The following CEP192 variants were observed in gnomAD, a reference collection of about 807,000 sequenced individuals.
CEP192 encodes the protein centrosomal protein of 192 kDa.
A neutral mutation model predicts 271.8 loss-of-function variants in CEP192; 151 were observed. The observed-to-expected ratio is 0.56, with a 90% CI of 0.49 to 0.64. The LOEUF is 0.64. Ranked by LOEUF, CEP192 falls within the 30% of genes least tolerant of loss-of-function variation. The pLI, the probability that CEP192 is intolerant of heterozygous loss-of-function variation, is 0.00. For missense variants in CEP192, 2,910 were observed against 3,020.5 expected (o/e 0.96, Z 0.86); for synonymous variants, 995 against 1,076.5 (o/e 0.92, Z 1.48).
intron 30 of CEP192, among the ~76,000 whole-genome samples, chr18:13,078,581 C>G (rs968262725): frequency 6.6e-6 from 1 of 152,088 alleles, no homozygotes; most frequent in Non-Finnish European, 1.5e-5. Flanking sequence ...TCTCCATATC[C>G]TCTCCAGCAT....
chr18:13,057,683 T>A lies in CEP192; in HGVS notation c.4207T>A (p.Trp1403Arg), dbSNP rs1476614153. 1 of 1,614,158 alleles carries A rather than the reference T, an allele frequency of 6.2e-7. No individual in the cohort carries two copies. Among genetic ancestry groups the A allele is most frequent in the Non-Finnish European group, 8.5e-7 (1 of 1,180,012 alleles). ...CAGTGTGCTTAATCCAACTGACCGCTGGCTGCAAGTCAGCATTGGGGTCCT... is the reference window on the plus strand; with the variant it reads ...CAGTGTGCTTAATCCAACTGACCGCAGGCTGCAAGTCAGCATTGGGGTCCT... ...LLSVLNPTDR[W>R]LQVSIGVLSI... The change falls in exon 20 of 45, where the codon TGG becomes AGG. Residue 1403 changes from tryptophan to arginine, a missense_variant. By Grantham distance (101) the Trp-to-Arg change is moderately radical. Coordinates refer to ENST00000506447, the MANE Select transcript of CEP192 (RefSeq NM_032142.4).
At chr18:13,075,704 AGACT>A (rs1457782744) in intron 30 of CEP192, among the ~76,000 whole-genome samples, 1 of 152,224 alleles carries the variant, frequency 6.6e-6, no homozygotes, top group Non-Finnish European at 1.5e-5. Context: ...CAACACAAAC[AGACT>A]AAGATGGTGG....
intron 40 of CEP192, among the ~76,000 whole-genome samples, chr18:13,112,515 C>G (rs2040252499): frequency 6.6e-6 from 1 of 152,216 alleles, no homozygotes; most frequent in Non-Finnish European, 1.5e-5. Flanking sequence ...GTGTAACATG[C>G]AGTAATACTA....
Position 12,999,542 on chromosome 18 carries a change from G to A in CEP192, c.118G>A (p.Val40Ile). ...TCTTTCTTCAAATCTTGGCTTGCCTGTTGCTGTTTCTACACTTGCTAGGGA... is the reference window on the plus strand; with the variant it reads ...TCTTTCTTCAAATCTTGGCTTGCCTATTGCTGTTTCTACACTTGCTAGGGA... ...VTLSSNLGLPVAVSTLARDRS... is the reference protein window; with the variant it reads ...VTLSSNLGLPIAVSTLARDRS... Residue 40 changes from valine (V) to isoleucine (I), a missense_variant, in exon 2 of 45, where the codon GTT becomes ATT. Coordinates refer to ENST00000506447, the MANE Select transcript of CEP192 (RefSeq NM_032142.4). 1.9e-6 allele frequency: 3 copies of A among 1,550,724 alleles called. No individual in the cohort carries two copies. Among genetic ancestry groups the A allele is most frequent in the South Asian group, 1.2e-5 (1 of 83,874 alleles).
intron 36 of CEP192, among the ~76,000 whole-genome samples, chr18:13,098,134 T>C (rs2039501297): frequency 6.6e-6 from 1 of 152,268 alleles, no homozygotes; most frequent in African/African-American, 2.4e-5. Flanking sequence ...ATTGTCATCA[T>C]AGCCCGTTCT....
intron 30 of CEP192, among the ~76,000 whole-genome samples, chr18:13,081,472 G>A (rs534661561): frequency 2.0e-5 from 3 of 152,186 alleles, no homozygotes; most frequent in Non-Finnish European, 2.9e-5. Context: ...CTGTGGGATC[G>A]GTGGTGATAT....
At chr18:13,038,666 A>G (rs1426995964) in intron 13 of CEP192, 87 bp downstream of exon 13, 2 of 1,009,900 alleles carry the variant, frequency 2.0e-6, no homozygotes, top group Non-Finnish European at 1.5e-6. Context: ...TAAAATGGAG[A>G]TAGAATAGGA....
chr18:13,011,104 G>A (rs952578497), intron 4 of CEP192, among the ~76,000 whole-genome samples: 1 of 150,222 alleles, frequency 6.7e-6, no homozygotes, highest in African/African-American at 2.5e-5. Context: ...GCGGGCGCCT[G>A]TAGTCCCAGC....
chr18:13,026,488 T>A (rs769489517), intron 9 of CEP192, among the ~76,000 whole-genome samples: 5 of 152,234 alleles, frequency 3.3e-5, no homozygotes, highest in Non-Finnish European at 7.3e-5. Flanking sequence ...AATATTCTGT[T>A]GCTTTCTGTT....
chr18:13,021,327 T>C (rs559315770), intron 9 of CEP192, among the ~76,000 whole-genome samples: 1 of 152,362 alleles, frequency 6.6e-6, no homozygotes, highest in African/African-American at 2.4e-5. Context: ...ATCATTCTTT[T>C]GCATGTGGAT....
At chr18:13,012,891 T>G in intron 4 of CEP192, 82 bp from the exon 5 acceptor site, 1 of 707,578 alleles carries the variant, frequency 1.4e-6, no homozygotes, top group Non-Finnish European at 2.4e-6. Flanking sequence ...AGAAAAATAT[T>G]TCTTGCTATT....
In CEP192 at chr18:13,070,429, T is replaced by C. The variant is rs551908806; in HGVS notation, c.5174+573T>C. On this transcript the variant is annotated intron_variant, in intron 27 of 44. Transcript: ENST00000506447. ...TAAATAATAAAAGATCAATTTGATG[T>C]TTCTCACTTTTTCTCCTGAAACTAT... 2.6e-5 allele frequency among the ~76,000 whole-genome samples: 4 copies of C among 152,312 alleles called. No individual in the cohort carries two copies. The South Asian group carries it at 8.3e-4, about 32-fold the overall frequency.
chr18:13,111,653 A>G (rs1413675124), intron 40 of CEP192, among the ~76,000 whole-genome samples: 1 of 152,232 alleles, frequency 6.6e-6, no homozygotes, highest in Non-Finnish European at 1.5e-5. Context: ...AATCAAAAAG[A>G]TCTGTGCTTC....
At chr18:13,123,843 G>A (rs952934326) in intron 44 of CEP192, among the ~76,000 whole-genome samples, 3 of 152,178 alleles carry the variant, frequency 2.0e-5, no homozygotes, top group Non-Finnish European at 4.4e-5. Flanking sequence ...TAATCTGAAA[G>A]TAAAGTTTCT....
In CEP192 at chr18:13,105,032, A is replaced by G. The variant is rs1250868087; in HGVS notation, c.7000A>G (p.Arg2334Gly). ...TTTTAGAGCTACCTATGCAGCATTC[A>G]GATGTTCTCCTATTTCTGGTCTGCT... Reference protein sequence around the residue: ...DVFRATYAAFRCSPISGLLES... With the variant: ...DVFRATYAAFGCSPISGLLES... Residue 2334 changes from arginine to glycine, a missense_variant, in exon 40 of 45, where the codon AGA (arginine) becomes GGA (glycine). Physicochemically the swap from Arg to Gly is moderately radical, Grantham distance 125. Transcript: ENST00000506447. 2.5e-6 allele frequency: 4 copies of G among 1,614,032 alleles called. No homozygotes were observed. The African/African-American group carries it at 5.3e-5, about 22-fold the overall frequency.
Position 13,049,580 on chromosome 18 carries a change from A to G in CEP192, c.2789A>G (p.Asn930Ser). Residue 930 changes from asparagine (N) to serine (S), a missense_variant, in exon 16 of 45, where the codon AAC becomes AGC. Physicochemically the swap from Asn to Ser is conservative, Grantham distance 46 (BLOSUM62 1). Coordinates refer to ENST00000506447, the MANE Select transcript of CEP192 (RefSeq NM_032142.4). ...LLKDCEEIRD[N>S]RENQRQNECV... ...AAAGACTGTGAAGAAATACGAGATA[A>G]CAGAGAAAATCAGAGGCAAAATGAG... The G allele has an allele frequency of 6.2e-7, 1 of 1,614,066 alleles. No homozygotes were observed. The highest frequency in any genetic ancestry group is 8.5e-7 in the Non-Finnish European group (1 of 1,180,006).
At chr18:13,054,862 C>T (rs998020475) in intron 18 of CEP192, among the ~76,000 whole-genome samples, 8 of 152,226 alleles carry the variant, frequency 5.3e-5, no homozygotes, top group African/African-American at 1.9e-4. Context: ...CTGCAGATGT[C>T]ACTCCTCAGA....
At chr18:13,117,671 T>C in intron 44 of CEP192, 28 bp downstream of exon 44, 1 of 1,569,294 alleles carries the variant, frequency 6.4e-7, no homozygotes, top group Non-Finnish European at 8.8e-7. Flanking sequence ...CACAGTGTTC[T>C]CATCAGCGAT....
chr18:13,117,709 G>C, intron 44 of CEP192, 66 bp downstream of exon 44: 1 of 1,186,892 alleles, frequency 8.4e-7, no homozygotes, highest in Non-Finnish European at 1.3e-6. Flanking sequence ...TGGGAGTTGG[G>C]GCTTGTGAGG....
Sources: gnomAD v4.1 joint callset for allele counts (sites outside exome capture counted in the v4.1 genomes callset) on GRCh38, gnomAD v4.1.1 for gene constraint, MANE v1.5 for transcripts, NCBI Gene and HGNC (gene_info 2026-07-23, HGNC 2026-07-21) for gene names.